The following CALN1 variants were observed in gnomAD, a reference collection of about 807,000 sequenced individuals.
CALN1 encodes the protein calneuron 1, also known as calcium-binding protein 8.
In CALN1, 17 loss-of-function variants were observed where a neutral mutation model predicts 30.6. The ratio of observed to expected loss-of-function variants is 0.56; its 90% CI spans 0.38 to 0.83. The LOEUF (loss-of-function observed/expected upper bound fraction) is 0.83, where lower values mean the gene tolerates loss of function less well. CALN1 is among the 40% of genes least tolerant of loss of function. The pLI is 0.00. For synonymous variants in CALN1, 156 were observed against 131.4 expected (o/e 1.19, Z -1.28); for missense variants, 291 against 354.9 (o/e 0.82, Z 1.45).
chr7:72,142,154 T>G (rs1343225952), intron 3 of CALN1, among the ~76,000 whole-genome samples: 1 of 152,132 alleles, frequency 6.6e-6, no homozygotes, highest in East Asian at 1.9e-4. Flanking sequence ...GCACCAAGCA[T>G]GAGCCGAAGC....
chr7:72,221,123 G>T (rs538278582), intron 3 of CALN1, among the ~76,000 whole-genome samples: 1 of 151,944 alleles, frequency 6.6e-6, no homozygotes, highest in African/African-American at 2.4e-5. Context: ...TTGCAAATTT[G>T]CAACAATTTC....
At chr7:72,501,855 G>A in the CALN1 span, among the ~76,000 whole-genome samples, 1 of 140,502 alleles carries the variant, frequency 7.1e-6, no homozygotes, top group Non-Finnish European at 1.5e-5. Flanking sequence ...GTTGCAGTGA[G>A]CTGAGATCAT....
At chr7:72,002,188 G>A (rs1386897310) in intron 5 of CALN1, among the ~76,000 whole-genome samples, 1 of 152,152 alleles carries the variant, frequency 6.6e-6, no homozygotes, top group East Asian at 1.9e-4. Context: ...GAGTTATGAT[G>A]AGATTTGATC....
At chr7:72,228,138 T>C (rs963727144) in intron 3 of CALN1, among the ~76,000 whole-genome samples, 1 of 152,036 alleles carries the variant, frequency 6.6e-6, no homozygotes, top group Non-Finnish European at 1.5e-5. Flanking sequence ...CACACACAGC[T>C]GCTTAACGGG....
At chr7:72,143,439 G>T (rs993873921) in intron 3 of CALN1, among the ~76,000 whole-genome samples, 18 of 152,268 alleles carry the variant, frequency 1.2e-4, no homozygotes, top group African/African-American at 4.1e-4. Flanking sequence ...AGAATAAAAA[G>T]AAATGAACAA....
chr7:72,194,935 C>T (rs755803419), intron 3 of CALN1, among the ~76,000 whole-genome samples: 21 of 152,018 alleles, frequency 1.4e-4, no homozygotes, highest in Non-Finnish European at 2.1e-4. Flanking sequence ...CACTCTTCCA[C>T]GGTCCCATAT....
At chr7:71,956,466 ATT>A (rs1221805348) in intron 5 of CALN1, among the ~76,000 whole-genome samples, 3 of 150,160 alleles carry the variant, frequency 2.0e-5, no homozygotes, top group African/African-American at 7.4e-5. Context: ...TTTTTTAAAA[ATT>A]ATTATTATTT....
At chr7:72,197,669 A>G (rs1456770488) in intron 3 of CALN1, among the ~76,000 whole-genome samples, 4 of 152,134 alleles carry the variant, frequency 2.6e-5, no homozygotes, top group African/African-American at 2.4e-5. Context: ...GTCCCTACAA[A>G]AAAATAAATA....
At chr7:71,983,682 C>T (rs1302163709) in intron 5 of CALN1, among the ~76,000 whole-genome samples, 1 of 152,158 alleles carries the variant, frequency 6.6e-6, no homozygotes, top group African/African-American at 2.4e-5. Context: ...CAGGTGCCCG[C>T]TACCATGCCT....
intron 2 of CALN1, among the ~76,000 whole-genome samples, chr7:72,334,509 C>T (rs1399115858): frequency 6.6e-6 from 1 of 152,162 alleles, no homozygotes; most frequent in South Asian, 2.1e-4. Flanking sequence ...TTGTCATCCA[C>T]CCCTCAACCT....
chr7:72,397,714 T>TCACACACACACACACACACACACA (rs3138810), intron 2 of CALN1, among the ~76,000 whole-genome samples: 30 of 142,908 alleles, frequency 2.1e-4, no homozygotes, highest in East Asian at 6.4e-4. Flanking sequence ...CCATTCTCTC[T>TCACACACACACACACACACACACA]CACACACACA....
chr7:72,234,637 G>A (rs1166207445), intron 3 of CALN1, among the ~76,000 whole-genome samples: 2 of 151,988 alleles, frequency 1.3e-5, no homozygotes, highest in African/African-American at 2.4e-5. Context: ...GTAGAGATGG[G>A]GTTTTACTAT....
At chr7:71,793,227 A>G (rs1321721625) in intron 6 of CALN1, among the ~76,000 whole-genome samples, 1 of 151,974 alleles carries the variant, frequency 6.6e-6, no homozygotes, top group Non-Finnish European at 1.5e-5. Context: ...AATTGCTTGA[A>G]CCCAAGAGGC....
intron 5 of CALN1, among the ~76,000 whole-genome samples, chr7:71,847,750 A>G (rs890612538): frequency 1.5e-4 from 19 of 125,220 alleles, no homozygotes; most frequent in East Asian, 9.6e-4. Flanking sequence ...AAAGAAGAAG[A>G]AAGAAGAAAG....
At chr7:72,470,457 A>G in the CALN1 span, among the ~76,000 whole-genome samples, 6 of 152,176 alleles carry the variant, frequency 3.9e-5, no homozygotes, top group Admixed American at 3.9e-4. Context: ...GCACTTTGAG[A>G]TGATCATGGA....
intron 4 of CALN1, among the ~76,000 whole-genome samples, chr7:72,039,847 C>T (rs1375685654): frequency 6.6e-6 from 1 of 152,140 alleles, no homozygotes; most frequent in African/African-American, 2.4e-5. Flanking sequence ...CTGAAGACCC[C>T]CCCAAGCAGG....
chr7:72,002,971 C>T (rs777253696), intron 5 of CALN1, among the ~76,000 whole-genome samples: 7 of 152,104 alleles, frequency 4.6e-5, no homozygotes, highest in Non-Finnish European at 1.0e-4. Flanking sequence ...TTCAGGAGAT[C>T]TATTATATAA....
At chr7:71,949,223 A>G (rs1034414814) in intron 5 of CALN1, among the ~76,000 whole-genome samples, 3 of 152,130 alleles carry the variant, frequency 2.0e-5, no homozygotes, top group Non-Finnish European at 4.4e-5. Flanking sequence ...AGGGAACATA[A>G]GGACTTCCTA....
chr7:71,925,310 A>AAAG (rs1795208346), intron 5 of CALN1, among the ~76,000 whole-genome samples: 1 of 151,194 alleles, frequency 6.6e-6, no homozygotes, highest in Admixed American at 6.6e-5. Context: ...AAGAAAGAAG[A>AAAG]AAGATTGATT....
Sources: allele counts gnomAD v4.1 joint callset (sites outside exome capture counted in the v4.1 genomes callset), GRCh38; gene constraint gnomAD v4.1.1; transcripts MANE v1.5; gene names NCBI Gene and HGNC (gene_info 2026-07-23, HGNC 2026-07-21).